Variants in NEGR1 observed in about 807,000 individuals in gnomAD.
NEGR1 encodes neuronal growth regulator 1, also known as IgLON family member 4.
A neutral mutation model predicts 40.9 loss-of-function variants in NEGR1; 10 were observed. The ratio of observed to expected loss-of-function variants is 0.24; its 90% CI spans 0.15 to 0.42. The LOEUF (loss-of-function observed/expected upper bound fraction) is 0.42, where lower values mean the gene tolerates loss of function less well. Among genes scored for constraint, NEGR1 ranks in the 10% least tolerant of loss-of-function variants. NEGR1 has a pLI of 1.00. For missense variants in NEGR1, 352 were observed against 438.9 expected (o/e 0.80, Z 1.77); for synonymous variants, 185 against 166.8 (o/e 1.11, Z -0.84).
At chr1:71,503,196 T>A (rs1337858497) in intron 6 of NEGR1, among the ~76,000 whole-genome samples, 1 of 152,148 alleles carries the variant, frequency 6.6e-6, no homozygotes, top group East Asian at 1.9e-4. Context: ...CCTTCGGTCT[T>A]TTGGCCTAAG....
chr1:71,861,325 A>G (rs1444096813), intron 2 of NEGR1, among the ~76,000 whole-genome samples: 1 of 152,058 alleles, frequency 6.6e-6, no homozygotes, highest in Non-Finnish European at 1.5e-5. Flanking sequence ...ATACACTATT[A>G]TTACAATCTA....
intron 6 of NEGR1, among the ~76,000 whole-genome samples, chr1:71,444,314 C>T (rs1357818239): frequency 1.3e-5 from 2 of 152,088 alleles, no homozygotes; most frequent in East Asian, 3.9e-4. Context: ...GTACTCAACC[C>T]CACATTAGAA....
intron 1 of NEGR1, among the ~76,000 whole-genome samples, chr1:71,956,828 G>T (rs1187368531): frequency 6.6e-6 from 1 of 152,070 alleles, no homozygotes; most frequent in Admixed American, 6.6e-5. Flanking sequence ...TTGTTATTCT[G>T]CCACCAACTA....
intron 6 of NEGR1, among the ~76,000 whole-genome samples, chr1:71,500,201 G>A (rs1316504949): frequency 6.6e-6 from 1 of 151,744 alleles, no homozygotes; most frequent in African/African-American, 2.4e-5. Flanking sequence ...AATTATGTTG[G>A]ATATATTATT....
At chr1:72,048,320 T>A (rs1647022035) in intron 1 of NEGR1, among the ~76,000 whole-genome samples, 1 of 151,652 alleles carries the variant, frequency 6.6e-6, no homozygotes, top group Non-Finnish European at 1.5e-5. Context: ...CAATCACAAC[T>A]CCTTTTTAAT....
chr1:72,077,794 G>T (rs1312550389), intron 1 of NEGR1, among the ~76,000 whole-genome samples: 2 of 151,978 alleles, frequency 1.3e-5, no homozygotes, highest in African/African-American at 4.8e-5. Flanking sequence ...GCAAGTGATA[G>T]AGAGAGGCCC....
At chr1:71,798,844 C>T (rs1279223506) in intron 2 of NEGR1, among the ~76,000 whole-genome samples, 4 of 152,040 alleles carry the variant, frequency 2.6e-5, no homozygotes, top group Non-Finnish European at 5.9e-5. Flanking sequence ...CCCAATAATC[C>T]CTTTAATCCC....
chr1:71,979,446 G>GA (rs1377833792), intron 1 of NEGR1, among the ~76,000 whole-genome samples: 1 of 152,062 alleles, frequency 6.6e-6, no homozygotes, highest in Non-Finnish European at 1.5e-5. Flanking sequence ...TTCCATCTGT[G>GA]AAAAAATTCC....
chr1:72,045,978 A>T (rs537006683), intron 1 of NEGR1, among the ~76,000 whole-genome samples: 1 of 151,816 alleles, frequency 6.6e-6, no homozygotes, highest in Non-Finnish European at 1.5e-5. Context: ...AAATCTGTTC[A>T]AATCTGAAAA....
At chr1:72,086,722 A>G (rs1257345535) in intron 1 of NEGR1, among the ~76,000 whole-genome samples, 1 of 152,146 alleles carries the variant, frequency 6.6e-6, no homozygotes, top group African/African-American at 2.4e-5. Flanking sequence ...TGAATTTGTT[A>G]ATAGATTTAT....
intron 6 of NEGR1, among the ~76,000 whole-genome samples, chr1:71,501,803 G>T (rs981258240): frequency 6.6e-6 from 1 of 152,156 alleles, no homozygotes; most frequent in Non-Finnish European, 1.5e-5. Context: ...TTATATGTTT[G>T]CCCTTGATAG....
At chr1:71,493,090 C>T (rs1646940041) in intron 6 of NEGR1, among the ~76,000 whole-genome samples, 1 of 152,088 alleles carries the variant, frequency 6.6e-6, no homozygotes, top group Admixed American at 6.6e-5. Flanking sequence ...GTTCATTTTT[C>T]TTTTGAAATA....
In NEGR1 at chr1:71,406,603, T is replaced by C. The variant is rs1265176681; in HGVS notation, c.*843A>G. 1 of 152,394 alleles carries C rather than the reference T, an allele frequency of 6.6e-6. No individual in the cohort carries two copies. Among genetic ancestry groups the C allele is most frequent in the African/African-American group, 2.4e-5 (1 of 41,432 alleles). The allele number at this position is 152,394 out of a possible 1,614,324, so 9.4% of individuals were successfully genotyped here. A position where few individuals can be genotyped will look rare whatever the true frequency, so the allele number is the denominator to read the frequency against. ...AAATCATATGGTATATTTACTATACTGTTATTAAATTGTCTCTCATCACAA... is the reference window on the plus strand; with the variant it reads ...AAATCATATGGTATATTTACTATACCGTTATTAAATTGTCTCTCATCACAA... On this transcript the variant is annotated 3_prime_UTR_variant, in exon 7 of 7. Transcript: ENST00000357731.
At chr1:71,942,463 A>ATATATATATATCTATC in intron 1 of NEGR1, among the ~76,000 whole-genome samples, 1 of 8,052 alleles carries the variant, frequency 1.2e-4, no homozygotes, top group African/African-American at 3.6e-4. Context: ...ATCTATATAT[A>ATATATATATATCTATC]TATATATATA....
chr1:71,955,609 T>A (rs1361829435), intron 1 of NEGR1, among the ~76,000 whole-genome samples: 1 of 152,184 alleles, frequency 6.6e-6, no homozygotes, highest in Non-Finnish European at 1.5e-5. Flanking sequence ...ACCATATAGA[T>A]CAGTTTCTGT....
chr1:71,656,037 T>C (rs564160554), intron 4 of NEGR1, among the ~76,000 whole-genome samples: 10 of 152,288 alleles, frequency 6.6e-5, no homozygotes, highest in Non-Finnish European at 1.2e-4. Context: ...AACAACCTCA[T>C]AGAATATCCC....
At chr1:71,886,443 C>A in intron 2 of NEGR1, among the ~76,000 whole-genome samples, 1 of 146,540 alleles carries the variant, frequency 6.8e-6, no homozygotes. Flanking sequence ...CCAGTGTGTT[C>A]TTAGTTTATG....
intron 1 of NEGR1, among the ~76,000 whole-genome samples, chr1:72,174,116 G>C (rs777290101): frequency 6.6e-5 from 10 of 151,708 alleles, no homozygotes; most frequent in Non-Finnish European, 1.3e-4. Flanking sequence ...TTTTATTTAT[G>C]CTTTTAAATT....
intron 1 of NEGR1, among the ~76,000 whole-genome samples, chr1:71,950,393 GAA>G (rs1169958666): frequency 6.6e-6 from 1 of 151,984 alleles, no homozygotes; most frequent in East Asian, 1.9e-4. Flanking sequence ...AAAGAAAAAA[GAA>G]TGCAAATTGA....
Sources: allele counts gnomAD v4.1 joint callset (sites outside exome capture counted in the v4.1 genomes callset), GRCh38; gene constraint gnomAD v4.1.1; transcripts MANE v1.5; gene names NCBI Gene and HGNC (gene_info 2026-07-23, HGNC 2026-07-21).